The following CLEC18B variants were observed in gnomAD, a reference collection of about 807,000 sequenced individuals.
CLEC18B encodes the protein C-type lectin domain family 18 member B, also known as mannose receptor-like 2.
In CLEC18B, 5 loss-of-function variants were observed where a neutral mutation model predicts 60.4. That is an observed-to-expected ratio of 0.08 (90% CI 0.04 to 0.17). The LOEUF (loss-of-function observed/expected upper bound fraction) is 0.17, where lower values mean the gene tolerates loss of function less well. Among genes scored for constraint, CLEC18B ranks in the 10% least tolerant of loss-of-function variants. The pLI is 1.00. For synonymous variants in CLEC18B, 16 were observed against 221.2 expected, an observed-to-expected ratio of 0.07 and a Z score of 8.23; for missense variants, 26 against 572.8, an observed-to-expected ratio of 0.05 and a Z score of 9.74.
chr16:74,411,941 C>G (rs1420188326), intron 7 of CLEC18B, 166 bp from the exon 8 acceptor site: 57 of 1,405,094 alleles, frequency 4.1e-5, no homozygotes, highest in Non-Finnish European at 5.4e-5. Flanking sequence ...TGAGCTTGCT[C>G]TCTCTCAAAA....
intron 3 of CLEC18B, among the ~76,000 whole-genome samples, chr16:74,414,200 G>T (rs576652224): frequency 4.4e-3 from 671 of 151,412 alleles, no homozygotes; most frequent in African/African-American, 0.016. Context: ...AGTTGAGAGG[G>T]GGATGGAGAG....
chr16:74,409,874 C>G, intron 10 of CLEC18B: 3 of 1,607,634 alleles, frequency 1.9e-6, no homozygotes, highest in Non-Finnish European at 2.5e-6. Context: ...CTCAGCCACA[C>G]CAGCCTGTGG....
chr16:74,421,527 G>C, upstream of CLEC18B: 1 of 443,112 alleles, frequency 2.3e-6, no homozygotes, highest in Non-Finnish European at 4.1e-6. Context: ...TGGCCAGCCC[G>C]CCCCCGACAG....
chr16:74,414,519 T>G (rs1239274310), intron 3 of CLEC18B, among the ~76,000 whole-genome samples: 17 of 146,336 alleles, frequency 1.2e-4, no homozygotes, highest in African/African-American at 5.1e-5. Context: ...AGAACCATGC[T>G]CAGTCACCAC....
upstream of CLEC18B, among the ~76,000 whole-genome samples, chr16:74,423,597 G>A (rs1194961279): frequency 2.0e-5 from 3 of 152,194 alleles, no homozygotes; most frequent in Non-Finnish European, 4.4e-5. Context: ...GCTGAGGCAG[G>A]AGAATTGCTT....
At chr16:74,423,683 T>G (rs2013754075), upstream of CLEC18B, among the ~76,000 whole-genome samples, 1 of 143,802 alleles carries the variant, frequency 7.0e-6, no homozygotes. Flanking sequence ...AGCGAGACTC[T>G]GTCCCACCCC....
chr16:74,421,709 T>C, upstream of CLEC18B: 1 of 281,524 alleles, frequency 3.6e-6, no homozygotes, highest in African/African-American at 2.3e-5. Flanking sequence ...AGCCCACTGA[T>C]GGCTTCCGCT....
intron 11 of CLEC18B, among the ~76,000 whole-genome samples, chr16:74,409,271 A>C (rs2013008186): frequency 2.5e-5 from 3 of 121,066 alleles, no homozygotes; most frequent in African/African-American, 9.8e-5. Context: ...GTTCCCAGGA[A>C]GCAGCTTTCA....
At chr16:74,409,890 G>C in intron 10 of CLEC18B, 2 of 1,610,126 alleles carry the variant, frequency 1.2e-6, no homozygotes. Flanking sequence ...TGTGGGGATG[G>C]TGGGGATTGG....
chr16:74,421,900 G>A (rs1216968710), upstream of CLEC18B: 1 of 140,830 alleles, frequency 7.1e-6, no homozygotes, highest in Admixed American at 7.4e-5. Context: ...TGGGCTCAAA[G>A]GGGGGTGGGC....
intron 5 of CLEC18B, 68 bp downstream of exon 5, chr16:74,412,969 T>G: frequency 6.2e-7 from 1 of 1,612,146 alleles, no homozygotes; most frequent in African/African-American, 1.3e-5. Flanking sequence ...CCAGGGCTTC[T>G]GGGACAGCCC....
rs780380563 is a variant in CLEC18B, at chr16:74,413,633, A to G, written c.500T>C (p.Leu167Pro). The change falls in exon 4 of 12, where the codon CTG (leucine) becomes CCG (proline). Residue 167 changes from leucine to proline, a missense_variant. Transcript: ENST00000682950. ...TSSQLGCGRHLCSAGQTAIEA... is the reference protein window; with the variant it reads ...TSSQLGCGRHPCSAGQTAIEA... Reference sequence around the variant, plus strand: ...TATCGCTGTCTGGCCTGCAGAGCACAGGTGCCGCCCACAGCCCAGCTGGCT... The same window carrying G: ...TATCGCTGTCTGGCCTGCAGAGCACGGGTGCCGCCCACAGCCCAGCTGGCT... The G allele has an allele frequency of 1.2e-6, 2 of 1,614,064 alleles. No individual in the cohort carries two copies. The highest frequency in any genetic ancestry group is 2.2e-5 in the South Asian group (2 of 91,078).
chr16:74,419,299 T>C (rs2013567516), intron 2 of CLEC18B, among the ~76,000 whole-genome samples: 1 of 152,088 alleles, frequency 6.6e-6, no homozygotes, highest in Non-Finnish European at 1.5e-5. Flanking sequence ...TGCACTAATG[T>C]CCATCGGGGT....
At chr16:74,419,060 G>T (rs908622406) in intron 2 of CLEC18B, among the ~76,000 whole-genome samples, 2 of 152,202 alleles carry the variant, frequency 1.3e-5, no homozygotes, top group African/African-American at 4.8e-5. Flanking sequence ...CTCCCAGAGT[G>T]CTGGGATTAC....
intron 3 of CLEC18B, among the ~76,000 whole-genome samples, chr16:74,417,082 T>C (rs1356369972): frequency 1.3e-5 from 2 of 149,348 alleles, no homozygotes; most frequent in African/African-American, 2.4e-5. Context: ...CTGGCCAACA[T>C]GGTGAAACCC....
upstream of CLEC18B, among the ~76,000 whole-genome samples, chr16:74,422,634 G>T (rs1415279931): frequency 2.1e-5 from 3 of 145,566 alleles, no homozygotes; most frequent in Non-Finnish European, 4.5e-5. Context: ...CTGCGTGTGG[G>T]TCCTAGCAAT....
At chr16:74,416,286 G>A (rs1311195894) in intron 3 of CLEC18B, among the ~76,000 whole-genome samples, 2 of 149,974 alleles carry the variant, frequency 1.3e-5, no homozygotes, top group Non-Finnish European at 3.0e-5. Context: ...AAATTAAGGA[G>A]CCAGAAGATC....
upstream of CLEC18B, among the ~76,000 whole-genome samples, chr16:74,424,242 T>C (rs983962283): frequency 2.7e-5 from 4 of 148,268 alleles, no homozygotes; most frequent in Non-Finnish European, 5.9e-5. Context: ...TGAAATCTTG[T>C]TGATGGTCTC....
chr16:74,413,849 C>T (rs1343513830), intron 3 of CLEC18B, among the ~76,000 whole-genome samples, 173 bp from the exon 4 acceptor site: 2 of 149,352 alleles, frequency 1.3e-5, no homozygotes, highest in Admixed American at 6.7e-5. Context: ...TTCAGGAAGG[C>T]TTATTTATTT....
Sources: gnomAD v4.1 joint callset for allele counts (sites outside exome capture counted in the v4.1 genomes callset) on GRCh38, gnomAD v4.1.1 for gene constraint, MANE v1.5 for transcripts, NCBI Gene and HGNC (gene_info 2026-07-23, HGNC 2026-07-21) for gene names.